The following RHCG variants were observed in gnomAD, a reference collection of about 807,000 sequenced individuals.
The protein encoded by RHCG is ammonium transporter Rh type C.
In RHCG, 39 loss-of-function variants were observed where a neutral mutation model predicts 55.3. That is an observed-to-expected ratio of 0.70 (90% CI 0.55 to 0.92). The LOEUF (loss-of-function observed/expected upper bound fraction) is 0.92. Ranked by LOEUF, RHCG falls within the 40% of genes least tolerant of loss-of-function variation. RHCG has a pLI of 0.00. For synonymous variants in RHCG, 250 were observed against 246.8 expected, an observed-to-expected ratio of 1.01 and a Z score of -0.12; for missense variants, 635 against 627.9, an observed-to-expected ratio of 1.01 and a Z score of -0.12.
In RHCG at chr15:89,496,481, T is replaced by C. The variant is rs771004921; in HGVS notation, c.64A>G (p.Met22Val). Residue 22 changes from methionine to valine, a missense_variant, in exon 1 of 11, where the codon ATG (methionine) becomes GTG (valine). By Grantham distance (21) the Met-to-Val change is conservative. Coordinates refer to ENST00000268122, the MANE Select transcript of RHCG (RefSeq NM_016321.3). ...PLTCLLLQVIMVILFGVFVRY... is the reference protein window; with the variant it reads ...PLTCLLLQVIVVILFGVFVRY... The stretch of plus-strand genomic sequence containing the variant: ...ACGAACACCCCGAAGAGAATCACCA[T>C]AATCACCTGCAGGAGCAGGCAGGTG... The C allele has an allele frequency of 6.2e-7, 1 of 1,613,830 alleles. No homozygotes were observed. Among genetic ancestry groups the C allele is most frequent in the Non-Finnish European group, 8.5e-7 (1 of 1,179,912 alleles).
In RHCG at chr15:89,494,071, C is replaced by T. The variant is rs924742013; in HGVS notation, c.184+2290G>A. ...CCCTCCTTGATGCTGGGGCTCTCCC[C>T]CTGTTAGCATCCTTACCCCATCCCT... is the stretch of plus-strand genomic sequence containing the variant. On this transcript the variant is annotated intron_variant, in intron 1 of 10. Coordinates refer to ENST00000268122, the MANE Select transcript of RHCG (RefSeq NM_016321.3). Among the ~76,000 whole-genome samples the T allele has an allele frequency of 3.3e-5, 5 of 149,352 alleles. No individual in the cohort carries two copies. The East Asian group carries it at 5.8e-4, about 17-fold the overall frequency.
chr15:89,475,989 T>TTCTC (rs113912208), intron 9 of RHCG, among the ~76,000 whole-genome samples: 4 of 149,842 alleles, frequency 2.7e-5, no homozygotes, highest in African/African-American at 7.4e-5. Flanking sequence ...GACTTTGCAT[T>TTCTC]TCTCTCTCTC....
At chr15:89,486,428 C>T (rs1567227639) in intron 2 of RHCG, 6 of 459,084 alleles carry the variant, frequency 1.3e-5, no homozygotes, top group Non-Finnish European at 2.6e-5. Context: ...CGGACCCTGC[C>T]CCCAGAGGAA....
chr15:89,489,974 C>A (rs1290244770), intron 1 of RHCG, among the ~76,000 whole-genome samples: 1 of 152,256 alleles, frequency 6.6e-6, no homozygotes, highest in Non-Finnish European at 1.5e-5. Context: ...GTATTCCCAG[C>A]ACCTAGGAGA....
intron 1 of RHCG, among the ~76,000 whole-genome samples, chr15:89,496,075 T>C (rs756131590): frequency 1.3e-5 from 2 of 152,186 alleles, no homozygotes; most frequent in Non-Finnish European, 2.9e-5. Context: ...ATCTTCTTAG[T>C]ATACCAAGCA....
At chr15:89,479,555 G>A in intron 4 of RHCG, 67 bp from the exon 5 acceptor site, 1 of 1,427,808 alleles carries the variant, frequency 7.0e-7, no homozygotes, top group Non-Finnish European at 9.5e-7. Flanking sequence ...CACAGCTCAG[G>A]CAGGCATCCT....
At chr15:89,481,728 G>A (rs1381695002) in intron 3 of RHCG, among the ~76,000 whole-genome samples, 1 of 152,204 alleles carries the variant, frequency 6.6e-6, no homozygotes, top group African/African-American at 2.4e-5. Context: ...TGAATGAAAT[G>A]TTAAAACTGC....
chr15:89,472,148 A>G lies in RHCG; in HGVS notation c.*25-293T>C, dbSNP rs1443599729. 3.9e-5 allele frequency among the ~76,000 whole-genome samples: 6 copies of G among 152,178 alleles called. No homozygotes were observed. The East Asian group carries it at 1.2e-3, about 29-fold the overall frequency. ...AGTTGTGTGATCTTGAAGAACCTGAACTTCTCCGAGCCTTAGTTTGCTCAT... is the reference window on the plus strand; with the variant it reads ...AGTTGTGTGATCTTGAAGAACCTGAGCTTCTCCGAGCCTTAGTTTGCTCAT... On this transcript the variant is annotated intron_variant, in intron 10 of 10. Transcript: ENST00000268122.
intron 1 of RHCG, among the ~76,000 whole-genome samples, chr15:89,490,670 G>T (rs1266138262): frequency 3.9e-5 from 6 of 152,114 alleles, no homozygotes; most frequent in Non-Finnish European, 7.3e-5. Context: ...GAGGGGAGTT[G>T]GCAGGATGAC....
At chr15:89,492,985 A>G (rs963629423) in intron 1 of RHCG, among the ~76,000 whole-genome samples, 8 of 152,254 alleles carry the variant, frequency 5.3e-5, no homozygotes, top group Non-Finnish European at 1.0e-4. Flanking sequence ...CTACCTTAAG[A>G]TGGGCATGCT....
At chr15:89,486,162 G>A (rs972702777) in intron 2 of RHCG, 7 of 426,828 alleles carry the variant, frequency 1.6e-5, no homozygotes, top group Non-Finnish European at 2.4e-5. Context: ...TGAGGAGGGG[G>A]CAGGGCTTCA....
chr15:89,482,425 C>A (rs1046527217), intron 3 of RHCG, among the ~76,000 whole-genome samples: 4 of 152,080 alleles, frequency 2.6e-5, no homozygotes, highest in Admixed American at 1.3e-4. Context: ...TCACTCCCTG[C>A]CAAGGAGGGG....
chr15:89,493,302 G>C, intron 1 of RHCG, among the ~76,000 whole-genome samples: 1 of 152,198 alleles, frequency 6.6e-6, no homozygotes, highest in Non-Finnish European at 1.5e-5. Flanking sequence ...GGTTCACCCA[G>C]ACCCTGGAGC....
At chr15:89,473,813 G>A (rs941492027) in intron 9 of RHCG, among the ~76,000 whole-genome samples, 2 of 152,130 alleles carry the variant, frequency 1.3e-5, no homozygotes, top group African/African-American at 4.8e-5. Context: ...AGGTTACTGG[G>A]GGACGTCTGT....
chr15:89,477,606 G>A lies in RHCG; in HGVS notation c.1023C>T (p.Asn341=), dbSNP rs35095064. ...TGATGCCAGGAATGCCATGCAGATT[G>A]TTAATGCCACATGTGTCCTGGATGT... ...RLHIQDTCGI[N]NLHGIPGIIG... is the part of the protein sequence containing the mutation. Residue 341 remains asparagine (N), a synonymous_variant, in exon 7 of 11, where the codon AAC becomes AAT. Coordinates refer to ENST00000268122, the MANE Select transcript of RHCG (RefSeq NM_016321.3). The surrounding 1 kb of genome is among the most constrained non-coding windows in gnomAD (Gnocchi z 4.5). 1,723 of 1,614,150 alleles carry A rather than the reference G, an allele frequency of 1.1e-3. 23 individuals carry two copies. In the African/African-American group the frequency reaches 0.021, roughly 19 times the overall value.
At chr15:89,480,119 A>G (rs950656244) in intron 4 of RHCG, 142 bp downstream of exon 4, 13 of 1,098,420 alleles carry the variant, frequency 1.2e-5, no homozygotes, top group Non-Finnish European at 1.7e-5. Flanking sequence ...ACTGGCAGCC[A>G]TGCACCATAC....
intron 9 of RHCG, among the ~76,000 whole-genome samples, chr15:89,474,848 G>T (rs368918470): frequency 0.026 from 1,278 of 48,660 alleles, 16 homozygotes; most frequent in African/African-American, 0.065. Flanking sequence ...CTTCCTTCCT[G>T]CCTGCCTGCC....
intron 1 of RHCG, among the ~76,000 whole-genome samples, chr15:89,495,287 T>C (rs879654107): frequency 2.0e-5 from 3 of 152,058 alleles, no homozygotes; most frequent in African/African-American, 4.8e-5. Flanking sequence ...ATTCTGAAAG[T>C]GTGCAGTTGT....
At chr15:89,482,921 C>A in intron 3 of RHCG, 146 bp downstream of exon 3, 2 of 737,292 alleles carry the variant, frequency 2.7e-6, no homozygotes, top group Non-Finnish European at 4.1e-6. Flanking sequence ...TTATTACTCC[C>A]ACTTTAGAGA....
Sources: gnomAD v4.1 joint callset for allele counts (sites outside exome capture counted in the v4.1 genomes callset) on GRCh38, gnomAD v4.1.1 for gene constraint, Gnocchi (gnomAD v3.1) non-coding constraint, MANE v1.5 for transcripts, NCBI Gene and HGNC (gene_info 2026-07-23, HGNC 2026-07-21) for gene names.